Variants in OSBPL10 observed in about 807,000 individuals in gnomAD.
OSBPL10 encodes the protein oxysterol-binding protein-related protein 10.
Under a neutral mutation model 81.7 loss-of-function variants are expected in OSBPL10, and 49 were observed. That is an observed-to-expected ratio of 0.60 (90% CI 0.48 to 0.76). The LOEUF (loss-of-function observed/expected upper bound fraction) is 0.76. Among genes scored for constraint, OSBPL10 ranks in the 30% least tolerant of loss-of-function variants. OSBPL10 has a pLI of 0.00. For synonymous variants in OSBPL10, 419 were observed against 383.6 expected, an observed-to-expected ratio of 1.09 and a Z score of -1.08; for missense variants, 923 against 987.8, an observed-to-expected ratio of 0.93 and a Z score of 0.88.
intron 8 of OSBPL10, among the ~76,000 whole-genome samples, chr3:31,673,454 T>C (rs1437773280): frequency 6.6e-6 from 1 of 152,186 alleles, no homozygotes; most frequent in Non-Finnish European, 1.5e-5. Flanking sequence ...TATCCCTCTC[T>C]ACTCAAGTTT....
At chr3:31,989,309 C>T in intron 2 of OSBPL10, 1 of 1,614,132 alleles carries the variant, frequency 6.2e-7, no homozygotes, top group African/African-American at 1.3e-5. Flanking sequence ...TTCTCATCAA[C>T]AGCGCAAGGC....
intron 1 of OSBPL10, among the ~76,000 whole-genome samples, chr3:31,937,878 G>C (rs1006712907): frequency 1.3e-5 from 2 of 151,956 alleles, no homozygotes; most frequent in Non-Finnish European, 2.9e-5. Context: ...TTTTCCCCTG[G>C]TTCAGTCCTC....
chr3:31,781,449 G>T (rs543447633), intron 4 of OSBPL10, among the ~76,000 whole-genome samples: 5 of 152,126 alleles, frequency 3.3e-5, no homozygotes, highest in Admixed American at 6.6e-5. Context: ...CACAGTACTG[G>T]AAGTCCTAGC....
chr3:31,679,098 CT>C (rs1043937698), intron 8 of OSBPL10, among the ~76,000 whole-genome samples: 6 of 152,184 alleles, frequency 3.9e-5, no homozygotes, highest in African/African-American at 1.4e-4. Context: ...ACAGTGGCCC[CT>C]GGCTGTCCTC....
chr3:31,891,178 G>A (rs1343320716), intron 1 of OSBPL10, among the ~76,000 whole-genome samples: 2 of 152,224 alleles, frequency 1.3e-5, no homozygotes, highest in Non-Finnish European at 2.9e-5. Context: ...GAGGAAGGTA[G>A]TGTGATTCGG....
intron 1 of OSBPL10, among the ~76,000 whole-genome samples, chr3:31,908,087 A>G (rs537962748): frequency 1.3e-5 from 2 of 152,152 alleles, no homozygotes; most frequent in Non-Finnish European, 2.9e-5. Context: ...ACTGTGTTTC[A>G]GGCAATAAAT....
chr3:31,665,201 ACT>A (rs1182818255), intron 10 of OSBPL10, among the ~76,000 whole-genome samples: 2 of 152,026 alleles, frequency 1.3e-5, no homozygotes, highest in Non-Finnish European at 2.9e-5. Context: ...ATTCAGACAC[ACT>A]CTGTTCTAGA....
chr3:31,773,895 G>A (rs1389524130), intron 4 of OSBPL10, among the ~76,000 whole-genome samples: 1 of 152,202 alleles, frequency 6.6e-6, no homozygotes. Context: ...CAGGCGTGGT[G>A]GCTCACGCCT....
At chr3:31,737,693 A>C (rs1697224438) in intron 5 of OSBPL10, among the ~76,000 whole-genome samples, 1 of 152,172 alleles carries the variant, frequency 6.6e-6, no homozygotes, top group African/African-American at 2.4e-5. Context: ...ATCATGAGGC[A>C]GAAGACAATA....
At chr3:31,901,572 G>A (rs773334527) in intron 1 of OSBPL10, among the ~76,000 whole-genome samples, 3 of 152,286 alleles carry the variant, frequency 2.0e-5, no homozygotes, top group African/African-American at 4.8e-5. Context: ...CAGATTCCCT[G>A]TCACTCTGCC....
At chr3:31,845,378 G>A (rs1015914943) in intron 3 of OSBPL10, among the ~76,000 whole-genome samples, 6 of 152,160 alleles carry the variant, frequency 3.9e-5, no homozygotes, top group Non-Finnish European at 5.9e-5. Flanking sequence ...TGGAAGCAAT[G>A]ACTCAAAATT....
chr3:31,858,680 GC>G (rs1419504704), intron 3 of OSBPL10, among the ~76,000 whole-genome samples: 3 of 152,192 alleles, frequency 2.0e-5, no homozygotes, highest in Admixed American at 1.3e-4. Flanking sequence ...TAGAGCACTT[GC>G]CTTTAATCCT....
rs188674330 is a variant in OSBPL10, at chr3:32,000,618, C to T, written n.298+45873G>A. On this transcript the variant is annotated intron_variant and non_coding_transcript_variant, in intron 2 of 3. Coordinates refer to the OSBPL10 transcript ENST00000479173. ...CGAAATTGCGGGGCTGTTCTCAGCACGGTTTGTCAGCCCTTCCTCGTGACG... is the reference window on the plus strand; with the variant it reads ...CGAAATTGCGGGGCTGTTCTCAGCATGGTTTGTCAGCCCTTCCTCGTGACG... Among the ~76,000 whole-genome samples, 7 of 152,320 alleles carry T rather than the reference C, an allele frequency of 4.6e-5. No homozygotes were observed. The East Asian group carries it at 1.4e-3, about 29-fold the overall frequency.
intron 2 of OSBPL10, among the ~76,000 whole-genome samples, chr3:32,024,859 T>G (rs773697299): frequency 6.6e-6 from 1 of 152,242 alleles, no homozygotes; most frequent in Non-Finnish European, 1.5e-5. Flanking sequence ...TTTTGTCTCT[T>G]GCAACATTGC....
chr3:32,076,730 T>C (rs1397782217), intron 1 of OSBPL10, among the ~76,000 whole-genome samples: 3 of 152,132 alleles, frequency 2.0e-5, no homozygotes, highest in Non-Finnish European at 4.4e-5. Context: ...TCAGAGTTTT[T>C]AAGGATAATT....
At chr3:31,958,589 A>G (rs1171032406) in intron 1 of OSBPL10, among the ~76,000 whole-genome samples, 2 of 152,180 alleles carry the variant, frequency 1.3e-5, no homozygotes, top group Non-Finnish European at 2.9e-5. Flanking sequence ...AAAAGTCTTT[A>G]TATTTGTTAT....
At chr3:32,027,662 G>T (rs901056463) in intron 2 of OSBPL10, among the ~76,000 whole-genome samples, 1 of 152,004 alleles carries the variant, frequency 6.6e-6, no homozygotes, top group Non-Finnish European at 1.5e-5. Flanking sequence ...AACAGACAGG[G>T]TCTCACTATG....
chr3:32,000,454 C>T (rs1699133965), intron 2 of OSBPL10, among the ~76,000 whole-genome samples: 1 of 152,212 alleles, frequency 6.6e-6, no homozygotes, highest in Admixed American at 6.5e-5. Context: ...CACCCCACCA[C>T]ACCAGTGGGC....
chr3:31,812,023 AATTT>A lies in OSBPL10; in HGVS notation c.729+18013_729+18016del, dbSNP rs571234550. Among the ~76,000 whole-genome samples the A allele has an allele frequency of 1.6e-3, 247 of 152,148 alleles. 3 individuals are homozygous for A. Among genetic ancestry groups the A allele is most frequent in the African/African-American group, 4.1e-3 (172 of 41,514 alleles). On this transcript the variant is annotated intron_variant, in intron 4 of 11. Coordinates refer to ENST00000396556, the MANE Select transcript of OSBPL10 (RefSeq NM_017784.5). ...GCCAAGTTATTATTTTTATTTTTTAAATTTATTTATTTATTTATTTTGAGACAGA... is the reference window on the plus strand; with the variant it reads ...GCCAAGTTATTATTTTTATTTTTTAAATTTATTTATTTATTTTGAGACAGA...
Sources: allele counts gnomAD v4.1 joint callset (sites outside exome capture counted in the v4.1 genomes callset), GRCh38; gene constraint gnomAD v4.1.1; transcripts MANE v1.5; gene names NCBI Gene and HGNC (gene_info 2026-07-23, HGNC 2026-07-21).